The following DOK5 variants were observed in gnomAD, a reference collection of about 807,000 sequenced individuals.
The protein encoded by DOK5 is downstream of tyrosine kinase 5.
In DOK5, 27 loss-of-function variants were observed where a neutral mutation model predicts 43.3. The observed-to-expected ratio is 0.62, with a 90% CI of 0.46 to 0.86. The LOEUF (loss-of-function observed/expected upper bound fraction) is 0.86. Ranked by LOEUF, DOK5 falls within the 40% of genes least tolerant of loss-of-function variation. The pLI is 0.00. For synonymous variants in DOK5, 146 were observed against 140.1 expected (o/e 1.04, Z -0.30); for missense variants, 373 against 392.9 (o/e 0.95, Z 0.43).
In DOK5 at chr20:54,553,896, CAAAAAAAAAA is replaced by C. The variant is rs761243905; in HGVS notation, c.67-1026_67-1017del. Among the ~76,000 whole-genome samples, 112 of 80,164 alleles carry C rather than the reference CAAAAAAAAAA, an allele frequency of 1.4e-3. 1 individual carries two copies. Among genetic ancestry groups the C allele is most frequent in the African/African-American group, 4.0e-3 (105 of 26,320 alleles). 52.6% of individuals were successfully genotyped at this position (80,164 alleles called of 152,430 possible). ...TGGGTGACAGAGCAAGACTCTGTCT[CAAAAAAAAAA>C]AAAAAAAAAATTATACTTAGTAATT... On this transcript the variant is annotated intron_variant, in intron 1 of 7. Transcript: ENST00000262593.
chr20:54,479,538 C>T (rs890088272), intron 1 of DOK5, among the ~76,000 whole-genome samples: 3 of 152,206 alleles, frequency 2.0e-5, no homozygotes, highest in East Asian at 1.9e-4. Flanking sequence ...ATTCTCACTT[C>T]GTTTCTTTCC....
intron 6 of DOK5, among the ~76,000 whole-genome samples, chr20:54,610,770 G>T (rs541689987): frequency 1.3e-5 from 2 of 152,258 alleles, no homozygotes; most frequent in Non-Finnish European, 2.9e-5. Context: ...ACTAATTTGC[G>T]TGTGTACAGA....
chr20:54,535,731 A>G (rs1357721770), intron 1 of DOK5, among the ~76,000 whole-genome samples: 1 of 152,226 alleles, frequency 6.6e-6, no homozygotes, highest in Non-Finnish European at 1.5e-5. Flanking sequence ...AAAAAGTAGC[A>G]CTTGGTACAA....
At chr20:54,492,543 C>G (rs1446852550) in intron 1 of DOK5, among the ~76,000 whole-genome samples, 1 of 152,054 alleles carries the variant, frequency 6.6e-6, no homozygotes, top group South Asian at 2.1e-4. Context: ...ATACATGATA[C>G]TGTATTTCTA....
At chr20:54,559,645 A>G (rs1984835224) in intron 2 of DOK5, among the ~76,000 whole-genome samples, 1 of 152,240 alleles carries the variant, frequency 6.6e-6, no homozygotes, top group Non-Finnish European at 1.5e-5. Context: ...AAAGTCCTAC[A>G]GTTAAGAAAT....
At position 54,595,725 on chromosome 20, in the gene DOK5, G is replaced by C. The variant is rs575582608; in HGVS notation, c.599+3920G>C. 9.2e-5 allele frequency among the ~76,000 whole-genome samples: 14 copies of C among 152,290 alleles called. No individual in the cohort carries two copies. The South Asian group carries it at 2.3e-3, about 25-fold the overall frequency. On this transcript the variant is annotated intron_variant, in intron 5 of 7. Coordinates refer to ENST00000262593, the MANE Select transcript of DOK5 (RefSeq NM_018431.5). ...TGCATTGGTCATGTTTTGCAGGGCT[G>C]GTGCAAACTTGAGATTGAATGGTCA... is the stretch of plus-strand genomic sequence containing the variant.
At chr20:54,550,887 G>A (rs1984507208) in intron 1 of DOK5, among the ~76,000 whole-genome samples, 2 of 151,996 alleles carry the variant, frequency 1.3e-5, no homozygotes, top group African/African-American at 2.4e-5. Context: ...TTTATGTGGG[G>A]ATAAAAGTTT....
chr20:54,603,940 A>ATTTTTT (rs35690531), intron 5 of DOK5, among the ~76,000 whole-genome samples: 42 of 76,280 alleles, frequency 5.5e-4, no homozygotes, highest in Admixed American at 9.3e-4. Context: ...TTCAAACTGT[A>ATTTTTT]TTTTTTTTTT....
At chr20:54,492,573 G>C (rs537370012) in intron 1 of DOK5, among the ~76,000 whole-genome samples, 15 of 152,098 alleles carry the variant, frequency 9.9e-5, no homozygotes, top group African/African-American at 3.6e-4. Context: ...CTAAAAAAAA[G>C]AGTTACTCTT....
At chr20:54,487,693 T>A (rs1981992993) in intron 1 of DOK5, among the ~76,000 whole-genome samples, 2 of 152,154 alleles carry the variant, frequency 1.3e-5, no homozygotes, top group Non-Finnish European at 2.9e-5. Context: ...ATTAGGTGCT[T>A]AGGGAAAAAA....
At chr20:54,612,721 T>A (rs1443926435) in intron 6 of DOK5, among the ~76,000 whole-genome samples, 4 of 152,214 alleles carry the variant, frequency 2.6e-5, no homozygotes, top group Non-Finnish European at 5.9e-5. Flanking sequence ...TCCTATTTAC[T>A]CTGTTTCTGG....
chr20:54,550,974 A>G (rs754507094), intron 1 of DOK5, among the ~76,000 whole-genome samples: 15 of 152,108 alleles, frequency 9.9e-5, no homozygotes, highest in Non-Finnish European at 1.5e-4. Flanking sequence ...AGAAACTACC[A>G]CTGTTTTTCA....
intron 6 of DOK5, among the ~76,000 whole-genome samples, chr20:54,633,970 A>G (rs1978691903): frequency 6.6e-6 from 1 of 152,222 alleles, no homozygotes; most frequent in African/African-American, 2.4e-5. Flanking sequence ...AGAGAAGGAC[A>G]ATATGGTGCA....
At chr20:54,604,376 G>A (rs1986399471) in intron 5 of DOK5, among the ~76,000 whole-genome samples, 1 of 150,956 alleles carries the variant, frequency 6.6e-6, no homozygotes, top group Non-Finnish European at 1.5e-5. Flanking sequence ...CAGGTTTTTG[G>A]ATTCCAGATT....
At chr20:54,568,804 C>G (rs1381465749) in intron 2 of DOK5, among the ~76,000 whole-genome samples, 1 of 151,896 alleles carries the variant, frequency 6.6e-6, no homozygotes, top group African/African-American at 2.4e-5. Flanking sequence ...GTGGCGGGCG[C>G]CTGTAGTCCC....
chr20:54,577,894 G>C (rs997625388), intron 2 of DOK5, among the ~76,000 whole-genome samples: 5 of 152,196 alleles, frequency 3.3e-5, no homozygotes, highest in African/African-American at 1.2e-4. Flanking sequence ...GCCAAAGCAA[G>C]TTGCATGGCC....
At chr20:54,476,279 C>A (rs893522428) in intron 1 of DOK5, 10 of 900,954 alleles carry the variant, frequency 1.1e-5, no homozygotes, top group African/African-American at 1.8e-5. Context: ...CCCATCTACT[C>A]GAAATAAATA....
chr20:54,630,509 A>T (rs1978515022), intron 6 of DOK5, among the ~76,000 whole-genome samples: 1 of 152,076 alleles, frequency 6.6e-6, no homozygotes, highest in Non-Finnish European at 1.5e-5. Flanking sequence ...TTAATACACA[A>T]CTCTGAGATT....
chr20:54,497,999 A>G (rs1326097371), intron 1 of DOK5, among the ~76,000 whole-genome samples: 1 of 152,186 alleles, frequency 6.6e-6, no homozygotes, highest in Non-Finnish European at 1.5e-5. Context: ...TCCCTTCTCT[A>G]TGTCGTAAGG....
Sources: gnomAD v4.1 joint callset for allele counts (sites outside exome capture counted in the v4.1 genomes callset) on GRCh38, gnomAD v4.1.1 for gene constraint, MANE v1.5 for transcripts, NCBI Gene and HGNC (gene_info 2026-07-23, HGNC 2026-07-21) for gene names.